CDH13: variants seen among roughly 807,000 people sequenced by gnomAD.
CDH13 encodes the protein cadherin 13.
In CDH13, 24 loss-of-function variants were observed where a neutral mutation model predicts 63.8. The ratio of observed to expected loss-of-function variants is 0.38; its 90% CI spans 0.27 to 0.53. The LOEUF (loss-of-function observed/expected upper bound fraction) is 0.53, where lower values mean the gene tolerates loss of function less well. Ranked by LOEUF, CDH13 falls within the 20% of genes least tolerant of loss-of-function variation. CDH13 has a pLI of 0.85. For missense variants in CDH13, 1,049 were observed against 903.1 expected (o/e 1.16, Z -2.07); for synonymous variants, 503 against 355.3 (o/e 1.42, Z -4.67).
chr16:82,689,342 G>GTT (rs1174853457), intron 1 of CDH13, among the ~76,000 whole-genome samples: 1 of 152,024 alleles, frequency 6.6e-6, no homozygotes, highest in Non-Finnish European at 1.5e-5. Flanking sequence ...TAAATTGTTA[G>GTT]TTATCATATT....
At chr16:82,995,312 C>T (rs1037106800) in intron 2 of CDH13, among the ~76,000 whole-genome samples, 6 of 152,210 alleles carry the variant, frequency 3.9e-5, no homozygotes, top group African/African-American at 1.2e-4. Context: ...TTTCTCCAGC[C>T]ACCTTGCATC....
chr16:83,368,136 C>T (rs918856733), intron 6 of CDH13, among the ~76,000 whole-genome samples: 15 of 152,258 alleles, frequency 9.9e-5, no homozygotes, highest in Admixed American at 2.0e-4. Context: ...TTTAAACTTG[C>T]TGGGAGCTCT....
intron 6 of CDH13, among the ~76,000 whole-genome samples, chr16:83,416,482 T>A (rs2071553367): frequency 6.6e-6 from 1 of 152,230 alleles, no homozygotes; most frequent in African/African-American, 2.4e-5. Context: ...TTATCTCTTC[T>A]TGTGCCTCTC....
intron 5 of CDH13, among the ~76,000 whole-genome samples, chr16:83,300,658 C>T (rs919872516): frequency 6.6e-6 from 1 of 152,168 alleles, no homozygotes; most frequent in African/African-American, 2.4e-5. Context: ...AGTATCTTGT[C>T]AAGATGAGAC....
chr16:82,860,753 G>T (rs2039911955), intron 2 of CDH13, among the ~76,000 whole-genome samples: 1 of 152,154 alleles, frequency 6.6e-6, no homozygotes. Context: ...GTGCCTAAAT[G>T]AGGAAGAAAA....
chr16:83,773,488 C>G (rs1381230012), intron 11 of CDH13, among the ~76,000 whole-genome samples: 2 of 152,090 alleles, frequency 1.3e-5, no homozygotes, highest in Non-Finnish European at 2.9e-5. Flanking sequence ...AGGTTAAATG[C>G]CAGACACTTA....
At chr16:82,673,019 T>TTTTTTTTTTTGG (rs59558350) in intron 1 of CDH13, among the ~76,000 whole-genome samples, 1 of 145,372 alleles carries the variant, frequency 6.9e-6, no homozygotes, top group Admixed American at 6.9e-5. Context: ...TTTTTTTTTT[T>TTTTTTTTTTTGG]GTAGAGATGA....
chr16:83,203,744 C>G (rs941438954), intron 4 of CDH13, among the ~76,000 whole-genome samples: 2 of 151,444 alleles, frequency 1.3e-5, no homozygotes, highest in South Asian at 2.1e-4. Flanking sequence ...TTTAACCTTT[C>G]CCTGGGAACA....
intron 11 of CDH13, among the ~76,000 whole-genome samples, chr16:83,760,761 A>G (rs1484603317): frequency 6.6e-6 from 1 of 152,202 alleles, no homozygotes; most frequent in Non-Finnish European, 1.5e-5. Context: ...GAAGATTTCT[A>G]TGTTTCAATA....
At chr16:82,730,411 G>A (rs1271780607) in intron 1 of CDH13, among the ~76,000 whole-genome samples, 1 of 152,144 alleles carries the variant, frequency 6.6e-6, no homozygotes, top group Non-Finnish European at 1.5e-5. Context: ...CTGAGGAAAG[G>A]GAGAGAGAGG....
chr16:83,016,309 T>G (rs1486517293), intron 2 of CDH13, among the ~76,000 whole-genome samples: 1 of 152,228 alleles, frequency 6.6e-6, no homozygotes, highest in African/African-American at 2.4e-5. Context: ...AGAACCAATC[T>G]GTAATCACAG....
intron 5 of CDH13, among the ~76,000 whole-genome samples, chr16:83,242,360 A>G (rs1904547357): frequency 6.6e-6 from 1 of 152,246 alleles, no homozygotes; most frequent in African/African-American, 2.4e-5. Context: ...GGTACTCTGA[A>G]GAATATAAGG....
chr16:83,387,988 T>A (rs1056902799), intron 6 of CDH13, among the ~76,000 whole-genome samples: 2 of 152,210 alleles, frequency 1.3e-5, no homozygotes, highest in African/African-American at 4.8e-5. Flanking sequence ...GGTTAACCTT[T>A]GTCTTATAGA....
chr16:82,953,696 G>A (rs997970719), intron 2 of CDH13: 2 of 152,112 alleles, frequency 1.3e-5, no homozygotes, highest in Non-Finnish European at 2.9e-5. Flanking sequence ...CAATTGGATG[G>A]AAAATAATGA....
chr16:82,638,264 G>T (rs1908931971), intron 1 of CDH13, among the ~76,000 whole-genome samples: 1 of 152,164 alleles, frequency 6.6e-6, no homozygotes, highest in African/African-American at 2.4e-5. Flanking sequence ...GGCTGGCCTG[G>T]ACCCAGAGCT....
chr16:82,740,159 C>G (rs2033864022), intron 1 of CDH13, among the ~76,000 whole-genome samples: 1 of 151,964 alleles, frequency 6.6e-6, no homozygotes, highest in Non-Finnish European at 1.5e-5. Context: ...TTCTTATTTA[C>G]AATATGGACT....
intron 4 of CDH13, among the ~76,000 whole-genome samples, chr16:83,132,222 C>T (rs2036084582): frequency 6.6e-6 from 1 of 152,174 alleles, no homozygotes; most frequent in Non-Finnish European, 1.5e-5. Flanking sequence ...AGCACCTCTC[C>T]ATCACCCCTC....
chr16:83,439,186 T>A (rs755920590), intron 6 of CDH13, among the ~76,000 whole-genome samples: 10 of 152,188 alleles, frequency 6.6e-5, no homozygotes, highest in Non-Finnish European at 1.3e-4. Context: ...TTCTAATGTT[T>A]TATTGGAAAG....
chr16:83,001,652 A>G (rs1267408256), intron 2 of CDH13, among the ~76,000 whole-genome samples: 1 of 152,220 alleles, frequency 6.6e-6, no homozygotes. Context: ...TGAGAAGCGA[A>G]TCTCGCATTT....
Sources: allele counts gnomAD v4.1 joint callset (sites outside exome capture counted in the v4.1 genomes callset), GRCh38; gene constraint gnomAD v4.1.1; transcripts MANE v1.5; gene names NCBI Gene and HGNC (gene_info 2026-07-23, HGNC 2026-07-21).